The following SCAF11 variants were observed in gnomAD, a reference collection of about 807,000 sequenced individuals.
The protein encoded by SCAF11 is SR-related CTD associated factor 11.
A neutral mutation model predicts 140.5 loss-of-function variants in SCAF11; 47 were observed. The ratio of observed to expected loss-of-function variants is 0.33; its 90% CI spans 0.26 to 0.43. The LOEUF is 0.43. Ranked by LOEUF, SCAF11 falls within the 20% of genes least tolerant of loss-of-function variation. SCAF11 has a pLI of 1.00. For missense variants in SCAF11, 1,645 were observed against 1,705.1 expected, an observed-to-expected ratio of 0.96 and a Z score of 0.62; for synonymous variants, 557 against 579.4, an observed-to-expected ratio of 0.96 and a Z score of 0.55.
In SCAF11 at chr12:45,926,570, T is replaced by C. The variant is rs1348749767; in HGVS notation, c.3131A>G (p.Glu1044Gly). Reference sequence around the variant, plus strand: ...ATTTCTATTTTCTTCCCAATGAGACTCTTTCAACTTTTCTGGATTTCTGGT... The same window carrying C: ...ATTTCTATTTTCTTCCCAATGAGACCCTTTCAACTTTTCTGGATTTCTGGT... ...PRTRNPEKLK[E>G]SHWEENRNEN... The change falls in exon 11 of 15, where the codon GAG (glutamate) becomes GGG (glycine). Residue 1044 changes from glutamate to glycine, a missense_variant. Physicochemically the swap from Glu to Gly is moderately conservative, Grantham distance 98. Coordinates refer to ENST00000369367, the MANE Select transcript of SCAF11 (RefSeq NM_004719.3). The C allele has an allele frequency of 6.2e-7, 1 of 1,613,088 alleles. No individual in the cohort carries two copies.
At chr12:45,991,836 T>C (rs1196381529), upstream of SCAF11, 1 of 1,238,780 alleles carries the variant, frequency 8.1e-7, no homozygotes, top group East Asian at 6.2e-5. Flanking sequence ...GCCCTTGTCC[T>C]GCTTGCGGCT....
rs1944857072 is a variant in SCAF11 at position 45,926,312 on chromosome 12, T to G, written c.3389A>C (p.Glu1130Ala). Residue 1130 changes from glutamate (E) to alanine (A), a missense_variant, in exon 11 of 15, where the codon GAG becomes GCG. Transcript: ENST00000369367. ...ATCTGCTGGTGTATCAAATGAGAACTCCTGTTCACTTTTTCGCTTATAGGA... is the reference window on the plus strand; with the variant it reads ...ATCTGCTGGTGTATCAAATGAGAACGCCTGTTCACTTTTTCGCTTATAGGA... ...QQSYKRKSEQ[E>A]FSFDTPADRS... 1.2e-6 allele frequency: 2 copies of G among 1,614,048 alleles called. No homozygotes were observed. Among genetic ancestry groups the G allele is most frequent in the Admixed American group, 1.7e-5 (1 of 60,006 alleles).
At chr12:45,959,719 A>C (rs1014016161) in intron 3 of SCAF11, among the ~76,000 whole-genome samples, 1 of 152,228 alleles carries the variant, frequency 6.6e-6, no homozygotes, top group African/African-American at 2.4e-5. Context: ...CTTAGTCTAC[A>C]TGATTTTTTT....
chr12:45,939,995 C>T (rs1259310350), intron 6 of SCAF11, among the ~76,000 whole-genome samples: 3 of 152,194 alleles, frequency 2.0e-5, no homozygotes, highest in African/African-American at 7.2e-5. Context: ...TTTAAGGATA[C>T]AAGCTGTCTT....
intron 5 of SCAF11, among the ~76,000 whole-genome samples, chr12:45,945,740 T>C (rs1945408003): frequency 6.6e-6 from 1 of 152,076 alleles, no homozygotes. Context: ...CCTTTGCTCA[T>C]GAGGCTGTTC....
At chr12:45,960,551 T>G (rs1004956548) in intron 3 of SCAF11, 1 of 152,134 alleles carries the variant, frequency 6.6e-6, no homozygotes, top group Non-Finnish European at 1.5e-5. Flanking sequence ...TTACCAACCA[T>G]ATTAATTCAG....
At chr12:45,966,197 T>C (rs1210199298) in intron 1 of SCAF11, among the ~76,000 whole-genome samples, 1 of 152,138 alleles carries the variant, frequency 6.6e-6, no homozygotes, top group African/African-American at 2.4e-5. Flanking sequence ...AAAGGTAAAC[T>C]AGTAAGAATG....
At position 45,971,195 on chromosome 12, in the gene SCAF11, G is replaced by A. The variant is rs201459841; in HGVS notation, c.-21-7007C>T. 9.2e-5 allele frequency among the ~76,000 whole-genome samples: 14 copies of A among 152,202 alleles called. No homozygotes were observed. In the East Asian group the frequency reaches 2.5e-3, roughly 27 times the overall value. On this transcript the variant is annotated intron_variant, in intron 1 of 14. Coordinates refer to ENST00000369367, the MANE Select transcript of SCAF11 (RefSeq NM_004719.3). The stretch of plus-strand genomic sequence containing the variant: ...TAGCATCATCTCCTTAACAGAAATT[G>A]TACTGTTGCATGCAGCAAGGTCACC...
intron 6 of SCAF11, among the ~76,000 whole-genome samples, chr12:45,936,779 T>C (rs985127567): frequency 6.6e-6 from 1 of 152,202 alleles, no homozygotes; most frequent in African/African-American, 2.4e-5. Flanking sequence ...GTTCTTCCAT[T>C]TACTATCTCA....
intron 12 of SCAF11, 152 bp downstream of exon 12, chr12:45,924,576 T>G: frequency 1.6e-6 from 1 of 613,512 alleles, no homozygotes; most frequent in African/African-American, 1.8e-5. Context: ...TTGAGAAGGA[T>G]AGTGAAAGAG....
rs771183722 is a variant in SCAF11, at chr12:45,926,207, C to T, written c.3494G>A (p.Arg1165Gln). The change falls in exon 11 of 15, where the codon CGA (arginine) becomes CAA (glutamine). Residue 1165 changes from arginine to glutamine, a missense_variant. By Grantham distance (43) the Arg-to-Gln change is conservative. Transcript: ENST00000369367. ...PADVQNYYSRRGRNSSGPQSG... is the reference protein window; with the variant it reads ...PADVQNYYSRQGRNSSGPQSG... ...CTGTGGACCTGAAGAATTTCTGCCT[C>T]GTCGTGAGTAGTAGTTTTGTACATC... 7.4e-5 allele frequency: 119 copies of T among 1,614,046 alleles called. No homozygotes were observed. Among genetic ancestry groups the T allele is most frequent in the Non-Finnish European group, 9.5e-5 (112 of 1,180,024 alleles).
At position 45,951,690 on chromosome 12, in the gene SCAF11, T is replaced by C. The variant is rs763921340; in HGVS notation, c.257A>G (p.Gln86Arg). 1 of 1,593,180 alleles carries C rather than the reference T, an allele frequency of 6.3e-7. No individual in the cohort carries two copies. ...ASCPIDRKPF[Q>R]AVFKFSALEG... is the part of the protein sequence containing the mutation. ...CAATGCACTGAATTTAAACACTGCC[T>C]GAAAAGGTTTACGGTCAATAGGACA... Residue 86 changes from glutamine (Q) to arginine (R), a missense_variant, in exon 4 of 15, where the codon CAG (glutamine) becomes CGG (arginine). Coordinates refer to ENST00000369367, the MANE Select transcript of SCAF11 (RefSeq NM_004719.3).
intron 6 of SCAF11, among the ~76,000 whole-genome samples, chr12:45,936,051 T>G (rs1486549485): frequency 6.6e-6 from 1 of 152,204 alleles, no homozygotes; most frequent in Non-Finnish European, 1.5e-5. Flanking sequence ...TGATTTCTGC[T>G]TCCCCAAAGC....
rs1250524121 is a variant in SCAF11, at chr12:45,951,859, ATT to A, written c.220-134_220-133del. ...AGAAAAAAATATTTTTATACCTTAA[ATT>A]TGTTTCATTCATTCAAACATTTACT... is the stretch of plus-strand genomic sequence containing the variant. On this transcript the variant is annotated intron_variant, in intron 3 of 14. Coordinates refer to ENST00000369367, the MANE Select transcript of SCAF11 (RefSeq NM_004719.3). 5 of 571,120 alleles carry A rather than the reference ATT, an allele frequency of 8.8e-6. No homozygotes were observed. In the Admixed American group the frequency reaches 1.6e-4, roughly 18 times the overall value. The allele number at this position is 571,120 out of a possible 1,614,324, so 35.4% of individuals were successfully genotyped here. A position where few individuals can be genotyped will look rare whatever the true frequency, so the allele number is the denominator to read the frequency against.
chr12:45,967,372 G>C (rs773946664), intron 1 of SCAF11, among the ~76,000 whole-genome samples: 1 of 152,182 alleles, frequency 6.6e-6, no homozygotes, highest in Admixed American at 6.5e-5. Context: ...GCCAGGTGCC[G>C]GTGGCTCACG....
Position 45,923,129 on chromosome 12 carries a change from C to G in SCAF11, c.3932G>C (p.Ser1311Thr). The part of the protein sequence containing the change: ...LQGIPSSSHV[S>T]NNMSTPVLPA... ...CAAAACTGGTGTACTCATGTTATTA[C>G]TTACATGAGAAGAACTAGGAATACC... Residue 1311 changes from serine to threonine, a missense_variant, in exon 13 of 15, where the codon AGT (serine) becomes ACT (threonine). Transcript: ENST00000369367. The G allele has an allele frequency of 6.2e-7, 1 of 1,613,692 alleles. No individual in the cohort carries two copies. The highest frequency in any genetic ancestry group is 8.5e-7 in the Non-Finnish European group (1 of 1,179,614).
intron 1 of SCAF11, chr12:45,974,422 G>C (rs1360132926): frequency 3.1e-6 from 1 of 325,664 alleles, no homozygotes; most frequent in African/African-American, 2.2e-5. Context: ...CTATTTGACA[G>C]CATTTTATCC....
intron 6 of SCAF11, among the ~76,000 whole-genome samples, chr12:45,937,159 A>AT: frequency 6.6e-6 from 1 of 152,030 alleles, no homozygotes; most frequent in East Asian, 1.9e-4. Context: ...AAATTTTTGC[A>AT]TTTTTCCTTC....
chr12:45,963,682 C>T (rs1456384169), intron 2 of SCAF11, among the ~76,000 whole-genome samples: 1 of 152,042 alleles, frequency 6.6e-6, no homozygotes, highest in African/African-American at 2.4e-5. Flanking sequence ...AATAAAAGAA[C>T]TCAAATAATG....
Sources: gnomAD v4.1 joint callset for allele counts (sites outside exome capture counted in the v4.1 genomes callset) on GRCh38, gnomAD v4.1.1 for gene constraint, MANE v1.5 for transcripts, NCBI Gene and HGNC (gene_info 2026-07-23, HGNC 2026-07-21) for gene names.